The following PCDH15 variants were observed in gnomAD, a reference collection of about 807,000 sequenced individuals.
The protein encoded by PCDH15 is protocadherin related 15.
PCDH15 carries 129 observed loss-of-function variants against 178.5 expected under a neutral mutation model. The ratio of observed to expected loss-of-function variants is 0.72; its 90% CI spans 0.63 to 0.84. The LOEUF (loss-of-function observed/expected upper bound fraction) is 0.84, where lower values mean the gene tolerates loss of function less well. PCDH15 is among the 40% of genes least tolerant of loss of function. PCDH15 has a pLI of 0.00. For missense variants in PCDH15, 2,230 were observed against 2,099.9 expected, an observed-to-expected ratio of 1.06 and a Z score of -1.21; for synonymous variants, 800 against 732.0, an observed-to-expected ratio of 1.09 and a Z score of -1.50.
intron 2 of PCDH15, among the ~76,000 whole-genome samples, chr10:55,399,302 T>A (rs1046595849): frequency 2.6e-5 from 4 of 152,164 alleles, no homozygotes; most frequent in Non-Finnish European, 5.9e-5. Context: ...ATTTAAAATA[T>A]TTATTTTAAT....
chr10:55,042,913 T>A (rs1840903739), intron 2 of PCDH15, among the ~76,000 whole-genome samples: 1 of 152,108 alleles, frequency 6.6e-6, no homozygotes, highest in African/African-American at 2.4e-5. Flanking sequence ...AAATGTGTGG[T>A]TGGTCTATAT....
intron 3 of PCDH15, among the ~76,000 whole-genome samples, chr10:54,436,051 AAAAG>A (rs1375842895): frequency 8.7e-4 from 121 of 138,518 alleles, no homozygotes; most frequent in South Asian, 3.5e-3. Context: ...AGAGAGAGAG[AAAAG>A]AAAGAAAGAA....
intron 2 of PCDH15, among the ~76,000 whole-genome samples, chr10:54,574,844 T>C (rs1045526737): frequency 3.5e-5 from 5 of 143,994 alleles, no homozygotes; most frequent in Non-Finnish European, 3.1e-5. Context: ...TAAAGACACA[T>C]GCACACGTAT....
chr10:55,131,049 C>T (rs1838028594), intron 2 of PCDH15, among the ~76,000 whole-genome samples: 1 of 151,794 alleles, frequency 6.6e-6, no homozygotes, highest in South Asian at 2.1e-4. Context: ...AAAAAATGCC[C>T]GAAGTTCATA....
chr10:53,975,077 T>C (rs1281379067), intron 21 of PCDH15, among the ~76,000 whole-genome samples: 1 of 152,202 alleles, frequency 6.6e-6, no homozygotes, highest in Non-Finnish European at 1.5e-5. Context: ...TATAATTGTT[T>C]CCAGCTGCAT....
intron 1 of PCDH15, among the ~76,000 whole-genome samples, chr10:54,691,404 A>G (rs1314190765): frequency 6.6e-6 from 1 of 151,982 alleles, no homozygotes; most frequent in Non-Finnish European, 1.5e-5. Context: ...TCAGCTAGGA[A>G]CCCATTGTAT....
Position 55,406,788 on chromosome 10 carries a change from G to A in PCDH15, c.-156+220837C>T, listed in dbSNP as rs150845364. On this transcript the variant is annotated intron_variant, in intron 2 of 5. Coordinates refer to the PCDH15 transcript ENST00000613346. ...TGAAATGCATGAGACTGACAGGAGA[G>A]TGAGGTGTGTTCAATAACTGAGAAA... Among the ~76,000 whole-genome samples the A allele has an allele frequency of 6.6e-3, 1,003 of 152,220 alleles. 9 individuals carry two copies. Among genetic ancestry groups the A allele is most frequent in the African/African-American group, 0.023 (965 of 41,516 alleles).
intron 2 of PCDH15, among the ~76,000 whole-genome samples, chr10:55,140,651 T>A (rs1168596649): frequency 2.6e-5 from 4 of 151,950 alleles, no homozygotes; most frequent in Non-Finnish European, 5.9e-5. Flanking sequence ...TTGTGCTCTC[T>A]TGATCTATTT....
intron 26 of PCDH15, among the ~76,000 whole-genome samples, chr10:53,897,505 CCT>C (rs1475464873): frequency 1.3e-5 from 2 of 148,816 alleles, no homozygotes; most frequent in Non-Finnish European, 2.9e-5. Context: ...TGCCCTCTCT[CCT>C]CTTTTTCTTT....
chr10:54,643,796 C>T (rs1426485662), intron 2 of PCDH15, among the ~76,000 whole-genome samples: 1 of 125,802 alleles, frequency 7.9e-6, no homozygotes, highest in Non-Finnish European at 1.7e-5. Flanking sequence ...TGGCTTAGCT[C>T]TGGTTCATTT....
chr10:54,638,847 G>T (rs1043290396), intron 2 of PCDH15, among the ~76,000 whole-genome samples: 1 of 151,990 alleles, frequency 6.6e-6, no homozygotes, highest in Non-Finnish European at 1.5e-5. Context: ...ACGGAACACC[G>T]CTCAGCTATA....
At chr10:54,276,677 A>G (rs997259844) in intron 8 of PCDH15, among the ~76,000 whole-genome samples, 1 of 151,688 alleles carries the variant, frequency 6.6e-6, no homozygotes, top group African/African-American at 2.4e-5. Flanking sequence ...ATTCAATTAA[A>G]GATTAGAAAA....
intron 1 of PCDH15, among the ~76,000 whole-genome samples, chr10:55,210,902 AG>A (rs1171477698): frequency 6.6e-6 from 1 of 151,882 alleles, no homozygotes; most frequent in African/African-American, 2.4e-5. Flanking sequence ...CTGGGATTAC[AG>A]GCGTGAACCA....
intron 14 of PCDH15, 72 bp downstream of exon 14, chr10:54,153,028 G>T: frequency 9.9e-6 from 15 of 1,516,954 alleles, no homozygotes; most frequent in Non-Finnish European, 1.4e-5. Context: ...AATACTTGCC[G>T]CGCTTCTTAA....
At chr10:54,361,267 C>T (rs986566740) in intron 5 of PCDH15, among the ~76,000 whole-genome samples, 6 of 152,126 alleles carry the variant, frequency 3.9e-5, no homozygotes, top group South Asian at 2.1e-4. Context: ...AGTTAAAATT[C>T]GTGTTGTCCA....
chr10:55,412,086 C>A (rs1258068545), intron 2 of PCDH15, among the ~76,000 whole-genome samples: 4 of 151,772 alleles, frequency 2.6e-5, no homozygotes, highest in Non-Finnish European at 5.9e-5. Context: ...ATCAGAGGGG[C>A]AAATGTGAAA....
At chr10:54,826,688 A>G (rs893646821) in intron 3 of PCDH15, among the ~76,000 whole-genome samples, 1 of 151,988 alleles carries the variant, frequency 6.6e-6, no homozygotes, top group Non-Finnish European at 1.5e-5. Context: ...CCATACAAAT[A>G]ACCTGTAAGA....
At chr10:55,170,661 A>C (rs1231907751) in intron 1 of PCDH15, among the ~76,000 whole-genome samples, 1 of 152,108 alleles carries the variant, frequency 6.6e-6, no homozygotes, top group Non-Finnish European at 1.5e-5. Flanking sequence ...AGGTGGGTGG[A>C]TCACGAGGTC....
intron 5 of PCDH15, among the ~76,000 whole-genome samples, chr10:54,353,921 A>G (rs1244346744): frequency 2.6e-5 from 4 of 152,200 alleles, no homozygotes; most frequent in Non-Finnish European, 5.9e-5. Flanking sequence ...CTCTATCTTT[A>G]CTAAAAACTG....
Sources: gnomAD v4.1 joint callset for allele counts (sites outside exome capture counted in the v4.1 genomes callset) on GRCh38, gnomAD v4.1.1 for gene constraint, MANE v1.5 for transcripts, NCBI Gene and HGNC (gene_info 2026-07-23, HGNC 2026-07-21) for gene names.